RERE: variants seen among roughly 807,000 people sequenced by gnomAD.
The protein encoded by RERE is arginine-glutamic acid dipeptide repeats.
A neutral mutation model predicts 146.1 loss-of-function variants in RERE; 40 were observed. The observed-to-expected ratio is 0.27, with a 90% confidence interval of 0.21 to 0.36. The LOEUF is 0.36. Ranked by LOEUF, RERE falls within the 10% of genes least tolerant of loss-of-function variation. RERE has a pLI of 1.00. For synonymous variants in RERE, 1,003 were observed against 866.0 expected, an observed-to-expected ratio of 1.16 and a Z score of -2.78; for missense variants, 1,933 against 2,138.7, an observed-to-expected ratio of 0.90 and a Z score of 1.90.
chr1:8,439,702 G>C lies in RERE; in HGVS notation c.1204-16895C>G, dbSNP rs564750059. ...TTCCCTGATACTTGACTGTAAATGG[G>C]ATTACAGGAAATAGTAGCATCCTTA... On this transcript the variant is annotated intron_variant, in intron 11 of 22. Transcript: ENST00000400908. 3.5e-4 allele frequency among the ~76,000 whole-genome samples: 53 copies of C among 152,312 alleles called. 2 individuals are homozygous for C. In the South Asian group the frequency reaches 0.011, roughly 31 times the overall value.
chr1:8,620,660 A>G (rs1334800701), intron 3 of RERE, among the ~76,000 whole-genome samples: 2 of 151,932 alleles, frequency 1.3e-5, no homozygotes, highest in African/African-American at 4.8e-5. Flanking sequence ...CTAAATAAAG[A>G]CTTTGCCAGC....
intron 2 of RERE, among the ~76,000 whole-genome samples, chr1:8,644,006 A>T (rs1345011611): frequency 6.6e-6 from 1 of 152,192 alleles, no homozygotes; most frequent in African/African-American, 2.4e-5. Flanking sequence ...TAAAGTGCAC[A>T]TTCTATTGAC....
At chr1:8,466,099 T>A in intron 10 of RERE, 76 bp from the exon 11 acceptor site, 1 of 1,154,460 alleles carries the variant, frequency 8.7e-7, no homozygotes, top group Non-Finnish European at 1.2e-6. Flanking sequence ...GGCAAGCTCC[T>A]CATTGACTAT....
chr1:8,710,655 A>T (rs778595323), intron 1 of RERE, among the ~76,000 whole-genome samples: 2 of 152,148 alleles, frequency 1.3e-5, no homozygotes, highest in Non-Finnish European at 2.9e-5. Flanking sequence ...AGTAGCTGGG[A>T]CTACAGGTGC....
At chr1:8,576,160 T>C (rs1490494959) in intron 4 of RERE, among the ~76,000 whole-genome samples, 1 of 152,042 alleles carries the variant, frequency 6.6e-6, no homozygotes, top group Non-Finnish European at 1.5e-5. Context: ...ACATCCATTA[T>C]GTATCAGTGT....
intron 11 of RERE, among the ~76,000 whole-genome samples, chr1:8,430,627 A>C (rs1272775117): frequency 6.6e-6 from 1 of 152,216 alleles, no homozygotes; most frequent in African/African-American, 2.4e-5. Flanking sequence ...CCCACAGGCC[A>C]CATCCTCCTC....
At chr1:8,524,862 C>T (rs911805404) in intron 7 of RERE, among the ~76,000 whole-genome samples, 2 of 152,118 alleles carry the variant, frequency 1.3e-5, no homozygotes, top group Admixed American at 6.5e-5. Flanking sequence ...GCAGTGGGTA[C>T]GAAATGAGGC....
rs79166719 is a variant in RERE at position 8,684,250 on chromosome 1, G to T, written c.-144-27809C>A. On this transcript the variant is annotated intron_variant, in intron 1 of 22. Coordinates refer to ENST00000400908, the MANE Select transcript of RERE (RefSeq NM_001042681.2). The stretch of plus-strand genomic sequence containing the variant: ...GCAAAAAGCCTTCATTTTAAAGAAT[G>T]CTTCAATGACCAAATACATTTTCAA... 5.9e-3 allele frequency among the ~76,000 whole-genome samples: 897 copies of T among 152,150 alleles called. 7 individuals carry two copies. The highest frequency in any genetic ancestry group is 0.021 in the African/African-American group (871 of 41,502).
intron 4 of RERE, among the ~76,000 whole-genome samples, chr1:8,610,103 C>T (rs1000666189): frequency 2.6e-5 from 4 of 152,188 alleles, no homozygotes; most frequent in Non-Finnish European, 5.9e-5. Context: ...ACAGCAGAAC[C>T]TTCGCTGTTT....
At chr1:8,611,789 C>G (rs1646796668) in intron 4 of RERE, among the ~76,000 whole-genome samples, 1 of 152,176 alleles carries the variant, frequency 6.6e-6, no homozygotes, top group African/African-American at 2.4e-5. Context: ...TTGCACCTTT[C>G]CTGCTTTGGC....
chr1:8,414,600 G>A (rs1382191841), intron 12 of RERE, among the ~76,000 whole-genome samples: 1 of 150,896 alleles, frequency 6.6e-6, no homozygotes, highest in Non-Finnish European at 1.5e-5. Context: ...TGGGGATTAT[G>A]ATACCACAAT....
chr1:8,607,348 A>T (rs2124167308), intron 4 of RERE, among the ~76,000 whole-genome samples: 1 of 148,870 alleles, frequency 6.7e-6, no homozygotes, highest in Non-Finnish European at 1.5e-5. Context: ...TGACACAGGG[A>T]GATACCCTGT....
intron 1 of RERE, among the ~76,000 whole-genome samples, chr1:8,791,364 A>G (rs1402943405): frequency 3.3e-5 from 5 of 152,134 alleles, no homozygotes; most frequent in Non-Finnish European, 5.9e-5. Context: ...TTTTTTTCAT[A>G]TCTGTTCCCC....
At position 8,364,913 on chromosome 1, in the gene RERE, G is replaced by T. The variant is rs1242314970; in HGVS notation, c.1448-75C>A. ...AGCCAAGGCTGGGCCGGTGGGGTGG[G>T]GGGGAGGGGGGAACACCTGTGACCT... On this transcript the variant is annotated intron_variant, in intron 13 of 22. Coordinates refer to ENST00000400908, the MANE Select transcript of RERE (RefSeq NM_001042681.2). The surrounding 1 kb of genome is among the most constrained non-coding windows in gnomAD (Gnocchi z 5.1). 4.1e-6 allele frequency: 3 copies of T among 733,770 alleles called. No homozygotes were observed. The highest frequency in any genetic ancestry group is 6.9e-6 in the Non-Finnish European group (3 of 432,958). 45.5% of individuals were successfully genotyped at this position (733,770 alleles called of 1,614,324 possible).
intron 10 of RERE, among the ~76,000 whole-genome samples, chr1:8,491,387 T>C (rs548098450): frequency 4.6e-5 from 7 of 152,208 alleles, no homozygotes; most frequent in South Asian, 4.1e-4. Context: ...TGAGCCAAGA[T>C]TGCGCCATTG....
chr1:8,409,661 A>C (rs552221915), intron 12 of RERE, among the ~76,000 whole-genome samples: 4 of 152,348 alleles, frequency 2.6e-5, no homozygotes. Context: ...TTTGAAACAA[A>C]AGCAGCACAC....
intron 10 of RERE, among the ~76,000 whole-genome samples, chr1:8,473,764 C>T (rs1644720591): frequency 6.6e-6 from 1 of 152,220 alleles, no homozygotes; most frequent in Admixed American, 6.5e-5. Context: ...ACCACCAGCC[C>T]TCAGCTGGGT....
Position 8,541,998 on chromosome 1 carries a change from A to G in RERE, c.726-680T>C, listed in dbSNP as rs139916042. 2.3e-3 allele frequency among the ~76,000 whole-genome samples: 349 copies of G among 152,328 alleles called. 1 individual carries two copies. Among genetic ancestry groups the G allele is most frequent in the African/African-American group, 7.5e-3 (312 of 41,574 alleles). On this transcript the variant is annotated intron_variant, in intron 6 of 22. Coordinates refer to ENST00000400908, the MANE Select transcript of RERE (RefSeq NM_001042681.2). ...AAGTTTTCAGGTTCATTTACCACCTAAAGTTAAACCAACCTGTAGTTGAAA... is the reference window on the plus strand; with the variant it reads ...AAGTTTTCAGGTTCATTTACCACCTGAAGTTAAACCAACCTGTAGTTGAAA...
chr1:8,509,229 G>C (rs903674514), intron 7 of RERE, among the ~76,000 whole-genome samples: 1 of 152,040 alleles, frequency 6.6e-6, no homozygotes, highest in Non-Finnish European at 1.5e-5. Context: ...TTACAAGCAC[G>C]AGCCACCACA....
Sources: gnomAD v4.1 joint callset for allele counts (sites outside exome capture counted in the v4.1 genomes callset) on GRCh38, gnomAD v4.1.1 for gene constraint, Gnocchi (gnomAD v3.1) non-coding constraint, MANE v1.5 for transcripts, NCBI Gene and HGNC (gene_info 2026-07-23, HGNC 2026-07-21) for gene names.